The following GSN variants were observed in gnomAD, a reference collection of about 807,000 sequenced individuals.
GSN encodes gelsolin.
A neutral mutation model predicts 85.7 loss-of-function variants in GSN; 56 were observed. That is an observed-to-expected ratio of 0.65 (90% CI 0.53 to 0.82). The LOEUF (loss-of-function observed/expected upper bound fraction) is 0.82, where lower values mean the gene tolerates loss of function less well. GSN is among the 40% of genes least tolerant of loss of function. The probability of loss-of-function intolerance (pLI) is 0.00; values close to 1 mark genes in which losing one functional copy is unlikely to be tolerated. For synonymous variants in GSN, 373 were observed against 399.1 expected, an observed-to-expected ratio of 0.93 and a Z score of 0.78; for missense variants, 857 against 979.8, an observed-to-expected ratio of 0.87 and a Z score of 1.67.
chr9:121,269,942 TGGAAGA>T (rs1210033489), intron 1 of GSN, among the ~76,000 whole-genome samples: 1 of 152,182 alleles, frequency 6.6e-6, no homozygotes, highest in African/African-American at 2.4e-5. Context: ...CAAAGAGCCT[TGGAAGA>T]GGACAGAGCT....
Position 121,259,968 on chromosome 9 carries a change from A to G in GSN, c.-340-5186A>G, listed in dbSNP as rs1371263577. On this transcript the variant is annotated intron_variant, in intron 6 of 24. Transcript: ENST00000373823. ...CCCCCATCCCTACAGGGGGACATGT[A>G]GGGCATCTGGAGACAAGAAAGAGGG... is the stretch of plus-strand genomic sequence containing the variant. Among the ~76,000 whole-genome samples, 3 of 152,346 alleles carry G rather than the reference A, an allele frequency of 2.0e-5. No individual in the cohort carries two copies. In the East Asian group the frequency reaches 5.8e-4, roughly 29 times the overall value.
chr9:121,235,653 G>A (rs558124956), intron 5 of GSN, among the ~76,000 whole-genome samples: 3 of 152,240 alleles, frequency 2.0e-5, no homozygotes, highest in African/African-American at 4.8e-5. Flanking sequence ...CTTCTGCATC[G>A]GTGCAGCTGG....
At position 121,312,389 on chromosome 9, in the gene GSN, G is replaced by A. The variant is rs2061252495; in HGVS notation, c.564G>A (p.Lys188=). 2 of 1,614,144 alleles carry A rather than the reference G, an allele frequency of 1.2e-6. No individual in the cohort carries two copies. Among genetic ancestry groups the A allele is most frequent in the Non-Finnish European group, 1.7e-6 (2 of 1,179,968 alleles). The change falls in exon 6 of 18, where the codon AAG becomes AAA. Residue 188 remains lysine, a synonymous_variant. Coordinates refer to ENST00000432226, the MANE Select transcript of GSN (RefSeq NM_198252.3). ...ACAGCAATCGGTATGAAAGACTGAA[G>A]GCCACACAGGTGTCCAAGGGCATCC... The part of the protein sequence containing the change: ...GSNSNRYERL[K]ATQVSKGIRD...
At chr9:121,324,868 G>T (rs2062965763) in intron 12 of GSN, among the ~76,000 whole-genome samples, 1 of 152,202 alleles carries the variant, frequency 6.6e-6, no homozygotes, top group Admixed American at 6.5e-5. Flanking sequence ...CAGACACACT[G>T]TCCCTGCCCT....
chr9:121,246,472 T>C (rs570269498), intron 5 of GSN, among the ~76,000 whole-genome samples: 29 of 152,334 alleles, frequency 1.9e-4, no homozygotes, highest in African/African-American at 7.0e-4. Context: ...GACACAAATA[T>C]TGAAACTAGG....
rs370764119 is a variant in GSN, at chr9:121,318,771, G to A, written c.1082G>A (p.Ser361Asn). The change falls in exon 10 of 18, where the codon AGC (serine) becomes AAC (asparagine). Residue 361 changes from serine to asparagine, a missense_variant. Coordinates refer to ENST00000432226, the MANE Select transcript of GSN (RefSeq NM_198252.3). The surrounding 1 kb of genome is among the most constrained non-coding windows in gnomAD (Gnocchi z 4.3). Reference sequence around the variant, plus strand: ...GGCCTGGGCTTGTCCTACCTTTCCAGCCATATCGCCAACGTGGAGCGGGTG... The same window carrying A: ...GGCCTGGGCTTGTCCTACCTTTCCAACCATATCGCCAACGTGGAGCGGGTG... ...TDGLGLSYLSSHIANVERVPF... is the reference protein window; with the variant it reads ...TDGLGLSYLSNHIANVERVPF... The A allele has an allele frequency of 6.2e-7, 1 of 1,614,102 alleles. No individual in the cohort carries two copies. Among genetic ancestry groups the A allele is most frequent in the Non-Finnish European group, 8.5e-7 (1 of 1,180,002 alleles).
At chr9:121,210,134 T>C (rs905994071) in intron 2 of GSN, 4 of 152,214 alleles carry the variant, frequency 2.6e-5, no homozygotes, top group Non-Finnish European at 5.9e-5. Context: ...GACTCCAAAA[T>C]CTCAGCGGAT....
Position 121,312,473 on chromosome 9 carries a change from C to T in GSN, c.648C>T (p.Pro216=), listed in dbSNP as rs1225601879. 4.3e-6 allele frequency: 7 copies of T among 1,611,102 alleles called. No individual in the cohort carries two copies. Among genetic ancestry groups the T allele is most frequent in the East Asian group, 2.2e-5 (1 of 44,712 alleles). Residue 216 remains proline (P), a synonymous_variant, in exon 6 of 18, where the codon CCC becomes CCT. Coordinates refer to ENST00000432226, the MANE Select transcript of GSN (RefSeq NM_198252.3). ...RVHVSEEGTE[P]EAMLQVLGPK... ...ACGTGTCTGAGGAGGGCACTGAGCC[C>T]GAGGCGATGCTCCAGGTGCCTGTGG... is the stretch of plus-strand genomic sequence containing the variant.
intron 1 of GSN, among the ~76,000 whole-genome samples, chr9:121,270,168 C>T (rs1202882437): frequency 6.6e-6 from 1 of 152,044 alleles, no homozygotes; most frequent in Non-Finnish European, 1.5e-5. Flanking sequence ...ATTTTCTGAG[C>T]CATCCATGTG....
In GSN at chr9:121,310,704, A is replaced by G; in HGVS notation, c.372A>G (p.Gly124=). The G allele has an allele frequency of 6.2e-7, 1 of 1,614,102 alleles. No homozygotes were observed. The highest frequency in any genetic ancestry group is 8.5e-7 in the Non-Finnish European group (1 of 1,180,016). Residue 124 remains glycine (G), a synonymous_variant, in exon 5 of 18, where the codon GGA becomes GGG. Transcript: ENST00000432226. ...LKYKKGGVAS[G]FKHVVPNEVV... is the part of the protein sequence containing the mutation. ...CACAGAAAGGAGGTGTGGCATCAGG[A>G]TTCAAGCACGTGGTACCCAACGAGG...
intron 2 of GSN, among the ~76,000 whole-genome samples, chr9:121,289,289 G>T (rs1311881851): frequency 6.6e-6 from 1 of 152,134 alleles, no homozygotes; most frequent in African/African-American, 2.4e-5. Context: ...TCAGACAAGG[G>T]TCAAAGCTTG....
At chr9:121,256,097 C>T (rs1198366346) in intron 6 of GSN, among the ~76,000 whole-genome samples, 1 of 151,884 alleles carries the variant, frequency 6.6e-6, no homozygotes, top group Non-Finnish European at 1.5e-5. Context: ...GTCAAATGAG[C>T]CTTTTTAGAG....
At chr9:121,262,518 C>G (rs1299102927) in intron 6 of GSN, among the ~76,000 whole-genome samples, 1 of 152,190 alleles carries the variant, frequency 6.6e-6, no homozygotes, top group African/African-American at 2.4e-5. Context: ...AGGGCCAGCT[C>G]TGTTAAGCTG....
At chr9:121,228,153 A>T (rs1435832982) in intron 4 of GSN, among the ~76,000 whole-genome samples, 1 of 151,418 alleles carries the variant, frequency 6.6e-6, no homozygotes, top group Non-Finnish European at 1.5e-5. Context: ...GTAATTACCT[A>T]CTCAAATGTC....
intron 4 of GSN, among the ~76,000 whole-genome samples, chr9:121,307,461 C>T (rs1449210165): frequency 1.3e-5 from 2 of 152,138 alleles, no homozygotes; most frequent in African/African-American, 4.8e-5. Context: ...TGAATGAAGT[C>T]CCCTGGTCAG....
intron 2 of GSN, among the ~76,000 whole-genome samples, chr9:121,288,532 G>T (rs923305608): frequency 1.3e-5 from 2 of 152,300 alleles, no homozygotes; most frequent in Non-Finnish European, 2.9e-5. Flanking sequence ...CATCTTACAT[G>T]CATTACCTAC....
intron 10 of GSN, 87 bp from the exon 11 acceptor site, chr9:121,321,181 C>A: frequency 6.9e-7 from 1 of 1,444,454 alleles, no homozygotes; most frequent in African/African-American, 1.4e-5. Flanking sequence ...GGCCTAACCA[C>A]AACCTACCAC....
chr9:121,329,692 A>G lies in GSN; in HGVS notation c.1965+377A>G, dbSNP rs182898624. On this transcript the variant is annotated intron_variant, in intron 16 of 17. Coordinates refer to ENST00000432226, the MANE Select transcript of GSN (RefSeq NM_198252.3). This position sits in a 1 kb window ranked among gnomAD's most constrained non-coding sequence, Gnocchi z 4.6. ...AGGCATAAACTGTCCAGTGTCACCT[A>G]GAGGCTCTAGAGGGCTCCTGCTTCT... Among the ~76,000 whole-genome samples the G allele has an allele frequency of 1.3e-5, 2 of 152,310 alleles. No homozygotes were observed. Among genetic ancestry groups the G allele is most frequent in the African/African-American group, 4.8e-5 (2 of 41,570 alleles).
rs1459567660 is a variant in GSN, at chr9:121,299,993, G to A, written c.-9-1970G>A. 4.2e-6 allele frequency: 6 copies of A among 1,429,036 alleles called. No homozygotes were observed. Among genetic ancestry groups the A allele is most frequent in the Non-Finnish European group, 4.6e-6 (5 of 1,082,138 alleles). The allele number at this position is 1,429,036 out of a possible 1,614,324, so 88.5% of individuals were successfully genotyped here. A position where few individuals can be genotyped will look rare whatever the true frequency, so the allele number is the denominator to read the frequency against. On this transcript the variant is annotated intron_variant, in intron 2 of 17. Coordinates refer to ENST00000432226, the MANE Select transcript of GSN (RefSeq NM_198252.3). This position sits in a 1 kb window ranked among gnomAD's most constrained non-coding sequence, Gnocchi z 4.2. ...AGGCGGGGGCGCCCCAGGGGCGGGTGCCCGAGGCGCGGGTGAGTGCCCGGG... is the reference window on the plus strand; with the variant it reads ...AGGCGGGGGCGCCCCAGGGGCGGGTACCCGAGGCGCGGGTGAGTGCCCGGG...
Sources: gnomAD v4.1 joint callset for allele counts (sites outside exome capture counted in the v4.1 genomes callset) on GRCh38, gnomAD v4.1.1 for gene constraint, Gnocchi (gnomAD v3.1) non-coding constraint, MANE v1.5 for transcripts, NCBI Gene and HGNC (gene_info 2026-07-23, HGNC 2026-07-21) for gene names.